Variants in SWAP70 observed in about 807,000 individuals in gnomAD.
SWAP70 encodes the protein switch-associated protein 70.
SWAP70 carries 34 observed loss-of-function variants against 80.2 expected under a neutral mutation model. The ratio of observed to expected loss-of-function variants is 0.42; its 90% CI spans 0.32 to 0.56. The LOEUF (loss-of-function observed/expected upper bound fraction) is 0.56, where lower values mean the gene tolerates loss of function less well. SWAP70 is among the 20% of genes least tolerant of loss of function. The pLI, the probability that SWAP70 is intolerant of heterozygous loss-of-function variation, is 0.09. For missense variants in SWAP70, 578 were observed against 690.7 expected, an observed-to-expected ratio of 0.84 and a Z score of 1.83; for synonymous variants, 239 against 238.5, an observed-to-expected ratio of 1.00 and a Z score of -0.02.
At chr11:9,710,027 A>T (rs1010386970) in intron 2 of SWAP70, among the ~76,000 whole-genome samples, 1 of 152,114 alleles carries the variant, frequency 6.6e-6, no homozygotes, top group East Asian at 1.9e-4. Context: ...AAAGGTCTTT[A>T]TCCTCATTGT....
In SWAP70 at chr11:9,747,958, G is replaced by A. The variant is rs146669900; in HGVS notation, c.1456G>A (p.Glu486Lys). 7.4e-6 allele frequency: 12 copies of A among 1,614,088 alleles called. No homozygotes were observed. Among genetic ancestry groups the A allele is most frequent in the African/African-American group, 4.0e-5 (3 of 74,928 alleles). ...QTTEAEKQELENQRVLKEQAL... is the reference protein window; with the variant it reads ...QTTEAEKQELKNQRVLKEQAL... ...AACCGAGGCGGAGAAGCAGGAGTTG[G>A]AGAATCAGCGTGTCCTGAAGGAACA... is the stretch of plus-strand genomic sequence containing the variant. The change falls in exon 10 of 12, where the codon GAG becomes AAG. Residue 486 changes from glutamate to lysine, a missense_variant. By Grantham distance (56) the Glu-to-Lys change is moderately conservative. Transcript: ENST00000318950.
chr11:9,697,923 T>A (rs1850779690), intron 2 of SWAP70, among the ~76,000 whole-genome samples: 1 of 152,032 alleles, frequency 6.6e-6, no homozygotes, highest in Admixed American at 6.6e-5. Flanking sequence ...TAGTAAGGAC[T>A]ACAGCTGCGT....
Position 9,724,738 on chromosome 11 carries a change from C to T in SWAP70, c.495C>T (p.Asn165=), listed in dbSNP as rs747179867. 3 of 1,614,060 alleles carry T rather than the reference C, an allele frequency of 1.9e-6. No individual in the cohort carries two copies. The highest frequency in any genetic ancestry group is 2.5e-6 in the Non-Finnish European group (3 of 1,180,000). The change falls in exon 4 of 12, where the codon AAC becomes AAT. Residue 165 remains asparagine, a synonymous_variant. Transcript: ENST00000318950. The part of the protein sequence containing the change: ...QQEQFEHYKI[N]FDDSKNGLSA... ...AACAATTTGAACATTATAAAATCAA[C>T]TTTGATGACAGTAAAAATGGCCTTT...
chr11:9,673,766 T>C (rs1850449740), intron 1 of SWAP70, among the ~76,000 whole-genome samples: 1 of 151,878 alleles, frequency 6.6e-6, no homozygotes, highest in African/African-American at 2.4e-5. Flanking sequence ...GATAGAAAGG[T>C]TGGGGGAGAT....
At position 9,729,246 on chromosome 11, in the gene SWAP70, T is replaced by C. The variant is rs182171382; in HGVS notation, c.790-97T>C. 16 of 763,654 alleles carry C rather than the reference T, an allele frequency of 2.1e-5. No homozygotes were observed. The African/African-American group carries it at 2.5e-4, about 12-fold the overall frequency. The allele number at this position is 763,654 out of a possible 1,614,324, so 47.3% of individuals were successfully genotyped here. On this transcript the variant is annotated intron_variant, in intron 5 of 11. Transcript: ENST00000318950. ...AATATGAATTTATAGGTATTTTTCA[T>C]TGACATTAAGTTTCAGCTCATTTTT...
At position 9,749,169 on chromosome 11, in the gene SWAP70, G is replaced by T; in HGVS notation, c.1637G>T (p.Arg546Leu). The T allele has an allele frequency of 1.9e-6, 3 of 1,607,392 alleles. No individual in the cohort carries two copies. Among genetic ancestry groups the T allele is most frequent in the South Asian group, 1.1e-5 (1 of 90,452 alleles). Residue 546 changes from arginine to leucine, a missense_variant, in exon 11 of 12, where the codon CGA (arginine) becomes CTA (leucine). Coordinates refer to ENST00000318950, the MANE Select transcript of SWAP70 (RefSeq NM_015055.4). ...GTGGCCCATCATGAAGGATTAATTC[G>T]ACTGATAGAACCAGGTAACAGACTC... is the stretch of plus-strand genomic sequence containing the variant. ...DKVAHHEGLI[R>L]LIEPGSKNPH...
intron 4 of SWAP70, among the ~76,000 whole-genome samples, chr11:9,725,545 ATATATATATATATATATATATATATT>A (rs1282268859): frequency 6.2e-4 from 6 of 9,614 alleles, no homozygotes; most frequent in Admixed American, 1.3e-3. Flanking sequence ...ATATATATAT[ATATATATATATATATATATATATATT>A]TTTTTTTTTT....
At chr11:9,735,278 C>T (rs1247371915) in intron 7 of SWAP70, among the ~76,000 whole-genome samples, 2 of 152,126 alleles carry the variant, frequency 1.3e-5, no homozygotes, top group Admixed American at 1.3e-4. Context: ...ACTGTTCTGC[C>T]TCCAGTTTAT....
intron 9 of SWAP70, among the ~76,000 whole-genome samples, chr11:9,746,272 T>C (rs1211792195): frequency 6.6e-6 from 1 of 152,104 alleles, no homozygotes; most frequent in African/African-American, 2.4e-5. Flanking sequence ...TTCCATCAAG[T>C]CTTCTACTAT....
chr11:9,736,188 C>T (rs886680458), intron 7 of SWAP70, among the ~76,000 whole-genome samples: 1 of 152,074 alleles, frequency 6.6e-6, no homozygotes, highest in South Asian at 2.1e-4. Context: ...TCCAGAATTT[C>T]CATTTGGTTT....
chr11:9,738,104 T>G, intron 7 of SWAP70, 109 bp from the exon 8 acceptor site: 1 of 600,392 alleles, frequency 1.7e-6, no homozygotes, highest in South Asian at 3.3e-5. Context: ...CTTTATTGAA[T>G]GTTAAGAATG....
chr11:9,708,064 C>T (rs1850942925), intron 2 of SWAP70, among the ~76,000 whole-genome samples: 1 of 152,062 alleles, frequency 6.6e-6, no homozygotes, highest in Non-Finnish European at 1.5e-5. Context: ...TAGGTTGCTT[C>T]CACATCTTGG....
At chr11:9,714,364 T>C (rs1851037915) in intron 3 of SWAP70, among the ~76,000 whole-genome samples, 1 of 152,232 alleles carries the variant, frequency 6.6e-6, no homozygotes, top group African/African-American at 2.4e-5. Context: ...TAAAGCCAAT[T>C]ACAATGTTTA....
intron 2 of SWAP70, among the ~76,000 whole-genome samples, chr11:9,698,759 C>T (rs2572948): frequency 0.14 from 20,761 of 152,002 alleles, 3,088 homozygotes; most frequent in African/African-American, 0.37. Flanking sequence ...TTACCCTGAT[C>T]GTGCTTTTTT....
chr11:9,672,195 C>CCATATATATATA (rs1554982642), intron 1 of SWAP70, among the ~76,000 whole-genome samples: 1 of 78,438 alleles, frequency 1.3e-5, no homozygotes, highest in Non-Finnish European at 2.3e-5. Context: ...ATGTGTGTGT[C>CCATATATATATA]TATATATATA....
intron 1 of SWAP70, among the ~76,000 whole-genome samples, chr11:9,684,426 C>T (rs1361963228): frequency 2.0e-5 from 3 of 152,164 alleles, no homozygotes; most frequent in East Asian, 1.9e-4. Context: ...TGTGACTTCA[C>T]ATTTTCTCTT....
At chr11:9,665,243 G>C (rs1031697569) in intron 1 of SWAP70, among the ~76,000 whole-genome samples, 3 of 152,278 alleles carry the variant, frequency 2.0e-5, no homozygotes, top group African/African-American at 7.2e-5. Flanking sequence ...GTATATTTTT[G>C]TACAGTAATC....
chr11:9,717,024 G>A (rs368320110), intron 3 of SWAP70, among the ~76,000 whole-genome samples: 1 of 152,186 alleles, frequency 6.6e-6, no homozygotes, highest in Non-Finnish European at 1.5e-5. Flanking sequence ...ACTGGCATTA[G>A]ATGCTATGGA....
rs60202287 is a variant in SWAP70, at chr11:9,709,126, A to ATT, written c.241-4332_241-4331dup. On this transcript the variant is annotated intron_variant, in intron 2 of 11. Coordinates refer to ENST00000318950, the MANE Select transcript of SWAP70 (RefSeq NM_015055.4). The stretch of plus-strand genomic sequence containing the variant: ...GGTCTCACTATGTTGCCCAGGTTGG[A>ATT]TTTTTTTTTCCCCCTCAGACAGAGT... 7.3e-5 allele frequency among the ~76,000 whole-genome samples: 11 copies of ATT among 151,078 alleles called. No homozygotes were observed. The East Asian group carries it at 1.8e-3, about 24-fold the overall frequency.
Sources: gnomAD v4.1 joint callset for allele counts (sites outside exome capture counted in the v4.1 genomes callset) on GRCh38, gnomAD v4.1.1 for gene constraint, MANE v1.5 for transcripts, NCBI Gene and HGNC (gene_info 2026-07-23, HGNC 2026-07-21) for gene names.